The following SLAIN1 variants were observed in gnomAD, a reference collection of about 807,000 sequenced individuals.
The protein encoded by SLAIN1 is SLAIN family member 1.
Under a neutral mutation model 55.4 loss-of-function variants are expected in SLAIN1, and 17 were observed. The observed-to-expected ratio is 0.31, with a 90% CI of 0.21 to 0.46. SLAIN1 has a LOEUF of 0.46. SLAIN1 is among the 20% of genes least tolerant of loss of function. The pLI is 1.00. For missense variants in SLAIN1, 682 were observed against 785.1 expected, an observed-to-expected ratio of 0.87 and a Z score of 1.57; for synonymous variants, 348 against 337.4, an observed-to-expected ratio of 1.03 and a Z score of -0.35.
intron 2 of SLAIN1, among the ~76,000 whole-genome samples, chr13:77,740,617 C>G (rs991537747): frequency 7.0e-6 from 1 of 142,354 alleles, no homozygotes; most frequent in Non-Finnish European, 1.5e-5. Flanking sequence ...CCCATTTTTT[C>G]TCTTTTGGCA....
intron 4 of SLAIN1, among the ~76,000 whole-genome samples, chr13:77,747,497 G>A (rs1162221026): frequency 6.6e-6 from 1 of 152,090 alleles, no homozygotes; most frequent in Non-Finnish European, 1.5e-5. Flanking sequence ...AGAAGTTTGT[G>A]GTCAAGCCCA....
chr13:77,709,168 A>G (rs1594252823), intron 1 of SLAIN1, among the ~76,000 whole-genome samples: 1 of 151,996 alleles, frequency 6.6e-6, no homozygotes, highest in East Asian at 2.0e-4. Context: ...TATATCAGAG[A>G]TTGAAGATCA....
chr13:77,714,989 TCCTGA>T (rs1041548716), intron 1 of SLAIN1, among the ~76,000 whole-genome samples: 6 of 152,114 alleles, frequency 3.9e-5, no homozygotes, highest in African/African-American at 1.4e-4. Context: ...TGCCTCAGCC[TCCTGA>T]GTAGCTGGGA....
intron 2 of SLAIN1, chr13:77,743,266 A>C (rs1474621003): frequency 2.0e-6 from 2 of 1,003,022 alleles, no homozygotes; most frequent in African/African-American, 3.4e-5. Context: ...GAATAATCTT[A>C]AGAGTGGAGA....
chr13:77,717,912 A>G (rs1487387772), intron 1 of SLAIN1, among the ~76,000 whole-genome samples: 4 of 152,002 alleles, frequency 2.6e-5, no homozygotes, highest in Non-Finnish European at 5.9e-5. Flanking sequence ...ACTAACCTAT[A>G]CTTGTGAGTA....
At position 77,744,268 on chromosome 13, in the gene SLAIN1, T is replaced by G; in HGVS notation, c.767-15T>G. 1 of 1,570,012 alleles carries G rather than the reference T, an allele frequency of 6.4e-7. No homozygotes were observed. The highest frequency in any genetic ancestry group is 8.8e-7 in the Non-Finnish European group (1 of 1,140,152). On this transcript the variant is annotated splice_polypyrimidine_tract_variant and intron_variant, in intron 2 of 6. Transcript: ENST00000418532. ...TCCTGCAGATGGAAGAACACACTTTTCCTTTGTGTTTCAGGTTACACTTCC... is the reference window on the plus strand; with the variant it reads ...TCCTGCAGATGGAAGAACACACTTTGCCTTTGTGTTTCAGGTTACACTTCC...
intron 3 of SLAIN1, 21 bp downstream of exon 3, chr13:77,744,453 A>G (rs1873679370): frequency 6.2e-7 from 1 of 1,607,102 alleles, no homozygotes; most frequent in Non-Finnish European, 8.5e-7. Context: ...TTTCTAAACT[A>G]GCAAAATGAG....
In SLAIN1 at chr13:77,715,950, A is replaced by T. The variant is rs550621426; in HGVS notation, c.627-3582A>T. ...CCAATTGATGTTTTTTCTTTTATGG[A>T]TCATATTTTCAGTCTTATAAATTGT... is the stretch of plus-strand genomic sequence containing the variant. On this transcript the variant is annotated intron_variant, in intron 1 of 6. Coordinates refer to ENST00000418532, the MANE Select transcript of SLAIN1 (RefSeq NM_001242868.2). Among the ~76,000 whole-genome samples, 22 of 152,128 alleles carry T rather than the reference A, an allele frequency of 1.4e-4. No homozygotes were observed. In the Middle Eastern group the frequency reaches 0.014, roughly 94 times the overall value.
chr13:77,697,874 C>T lies in SLAIN1; in HGVS notation c.-40C>T. 1 of 1,293,962 alleles carries T rather than the reference C, an allele frequency of 7.7e-7. No homozygotes were observed. The highest frequency in any genetic ancestry group is 9.8e-7 in the Non-Finnish European group (1 of 1,020,578). 80.2% of individuals were successfully genotyped at this position (1,293,962 alleles called of 1,614,324 possible). A position where few individuals can be genotyped will look rare whatever the true frequency, so the allele number is the denominator to read the frequency against. On this transcript the variant is annotated 5_prime_UTR_variant, in exon 1 of 7. Coordinates refer to ENST00000418532, the MANE Select transcript of SLAIN1 (RefSeq NM_001242868.2). ...GTGGCCCGAGGAGCCGGCGCGGCGG[C>T]GCGCACTCCCCGGCGGCCGCGGCGC...
intron 5 of SLAIN1, among the ~76,000 whole-genome samples, chr13:77,755,816 A>C (rs576267438): frequency 1.3e-5 from 2 of 152,190 alleles, no homozygotes; most frequent in Non-Finnish European, 2.9e-5. Context: ...AGAATATTAA[A>C]GTGTAGGAGA....
intron 4 of SLAIN1, among the ~76,000 whole-genome samples, chr13:77,751,880 T>C (rs1874238416): frequency 6.6e-6 from 1 of 152,058 alleles, no homozygotes. Context: ...TATATATGCT[T>C]TTTTTTTCAG....
At chr13:77,725,175 A>G (rs1488232896) in intron 2 of SLAIN1, among the ~76,000 whole-genome samples, 1 of 152,202 alleles carries the variant, frequency 6.6e-6, no homozygotes, top group Non-Finnish European at 1.5e-5. Flanking sequence ...GCCACCTCTT[A>G]TATTCAGGGC....
chr13:77,740,405 C>G (rs1873357936), intron 2 of SLAIN1, among the ~76,000 whole-genome samples: 1 of 151,948 alleles, frequency 6.6e-6, no homozygotes, highest in Non-Finnish European at 1.5e-5. Context: ...GGAAAGAAAA[C>G]TGTGCCAAGT....
At chr13:77,712,296 A>G (rs1459290618) in intron 1 of SLAIN1, among the ~76,000 whole-genome samples, 1 of 152,224 alleles carries the variant, frequency 6.6e-6, no homozygotes, top group Non-Finnish European at 1.5e-5. Flanking sequence ...TTTGCAGATG[A>G]CATGATTGTA....
chr13:77,735,198 A>G (rs989696020), intron 2 of SLAIN1, among the ~76,000 whole-genome samples: 1 of 152,128 alleles, frequency 6.6e-6, no homozygotes, highest in Non-Finnish European at 1.5e-5. Flanking sequence ...ACTTTTTTTC[A>G]TATGAGAACA....
chr13:77,751,323 A>T (rs1383916532), intron 4 of SLAIN1, among the ~76,000 whole-genome samples: 1 of 152,026 alleles, frequency 6.6e-6, no homozygotes, highest in African/African-American at 2.4e-5. Flanking sequence ...TTTATTTGGG[A>T]AAAAATTTAA....
chr13:77,753,168 T>G (rs1213264720), intron 4 of SLAIN1, 35 bp from the exon 5 acceptor site: 1 of 1,545,510 alleles, frequency 6.5e-7, no homozygotes, highest in Non-Finnish European at 8.7e-7. Context: ...TTGCATAACA[T>G]CTGTCATTTT....
chr13:77,730,979 G>A (rs1395821575), intron 2 of SLAIN1, among the ~76,000 whole-genome samples: 1 of 152,116 alleles, frequency 6.6e-6, no homozygotes, highest in Non-Finnish European at 1.5e-5. Context: ...GTTGGCCAAA[G>A]GAATCTACCA....
chr13:77,734,105 G>C (rs534692887), intron 2 of SLAIN1, among the ~76,000 whole-genome samples: 1 of 152,026 alleles, frequency 6.6e-6, no homozygotes. Flanking sequence ...ATTTCTATAG[G>C]CTCTAAATAC....
Sources: allele counts gnomAD v4.1 joint callset (sites outside exome capture counted in the v4.1 genomes callset), GRCh38; gene constraint gnomAD v4.1.1; transcripts MANE v1.5; gene names NCBI Gene and HGNC (gene_info 2026-07-23, HGNC 2026-07-21).